AUTS2: variants seen among roughly 807,000 people sequenced by gnomAD.
AUTS2 encodes activator of transcription and developmental regulator AUTS2, also known as autism susceptibility gene 2 protein.
In AUTS2, 17 loss-of-function variants were observed where a neutral mutation model predicts 112.4. That is an observed-to-expected ratio of 0.15 (90% CI 0.10 to 0.23). The LOEUF is 0.23. Ranked by LOEUF, AUTS2 falls within the 10% of genes least tolerant of loss-of-function variation. AUTS2 has a pLI of 1.00. For synonymous variants in AUTS2, 751 were observed against 702.7 expected, an observed-to-expected ratio of 1.07 and a Z score of -1.09; for missense variants, 1,510 against 1,701.6, an observed-to-expected ratio of 0.89 and a Z score of 1.98.
At chr7:69,714,152 C>G (rs1430281547) in intron 1 of AUTS2, among the ~76,000 whole-genome samples, 1 of 151,756 alleles carries the variant, frequency 6.6e-6, no homozygotes, top group Non-Finnish European at 1.5e-5. Context: ...CCTTGACCTC[C>G]TGGGTTCAAG....
chr7:70,681,117 T>C (rs1484762513), intron 5 of AUTS2, among the ~76,000 whole-genome samples: 1 of 152,064 alleles, frequency 6.6e-6, no homozygotes, highest in Non-Finnish European at 1.5e-5. Flanking sequence ...TTTCTTAGAG[T>C]GTTCCAGGGA....
intron 5 of AUTS2, among the ~76,000 whole-genome samples, chr7:70,572,508 C>T (rs1382949545): frequency 6.6e-6 from 1 of 151,938 alleles, no homozygotes; most frequent in East Asian, 1.9e-4. Flanking sequence ...TGAAATATTA[C>T]TACTTAAAAC....
intron 1 of AUTS2, among the ~76,000 whole-genome samples, chr7:69,783,687 A>G (rs1314371389): frequency 6.6e-6 from 1 of 152,210 alleles, no homozygotes; most frequent in African/African-American, 2.4e-5. Context: ...AGCTTGAGGC[A>G]TATCAGAGAG....
At chr7:70,147,351 A>G (rs1200696760) in intron 4 of AUTS2, among the ~76,000 whole-genome samples, 2 of 152,190 alleles carry the variant, frequency 1.3e-5, no homozygotes, top group South Asian at 2.1e-4. Flanking sequence ...GAAAATCCAC[A>G]GTTATAGATG....
intron 4 of AUTS2, among the ~76,000 whole-genome samples, chr7:70,340,292 A>G (rs961415578): frequency 3.3e-5 from 5 of 152,124 alleles, no homozygotes; most frequent in African/African-American, 1.2e-4. Context: ...GTCAAGATAT[A>G]TATGCATAAG....
intron 2 of AUTS2, among the ~76,000 whole-genome samples, chr7:69,934,445 G>A (rs1165334771): frequency 6.6e-6 from 1 of 152,114 alleles, no homozygotes; most frequent in Non-Finnish European, 1.5e-5. Flanking sequence ...TTGGTAGCTT[G>A]GGTTATAAGA....
chr7:70,733,962 T>C (rs772903053), intron 6 of AUTS2, among the ~76,000 whole-genome samples: 1 of 152,132 alleles, frequency 6.6e-6, no homozygotes, highest in Non-Finnish European at 1.5e-5. Flanking sequence ...GCATCTTTGA[T>C]GTTTTGGATG....
At chr7:70,779,230 G>T (rs1007312652) in intron 14 of AUTS2, among the ~76,000 whole-genome samples, 3 of 152,210 alleles carry the variant, frequency 2.0e-5, no homozygotes, top group Admixed American at 2.0e-4. Context: ...CTCGATACTG[G>T]GACTTTCATT....
chr7:70,214,344 G>C (rs1811066546), intron 4 of AUTS2, among the ~76,000 whole-genome samples: 1 of 152,002 alleles, frequency 6.6e-6, no homozygotes, highest in Non-Finnish European at 1.5e-5. Flanking sequence ...GCTCATTCTT[G>C]CACTGCAACA....
At chr7:70,434,040 G>A (rs951008906) in intron 4 of AUTS2, among the ~76,000 whole-genome samples, 2 of 152,168 alleles carry the variant, frequency 1.3e-5, no homozygotes, top group Non-Finnish European at 2.9e-5. Context: ...TTTGTACTGA[G>A]TCTTTTTGCC....
chr7:70,373,510 G>T (rs1461865873), intron 4 of AUTS2, among the ~76,000 whole-genome samples: 1 of 151,944 alleles, frequency 6.6e-6, no homozygotes, highest in African/African-American at 2.4e-5. Context: ...TAAATGCAGG[G>T]GTAGGCATTT....
At chr7:70,042,266 A>G (rs552278857) in intron 2 of AUTS2, among the ~76,000 whole-genome samples, 1 of 151,918 alleles carries the variant, frequency 6.6e-6, no homozygotes, top group Admixed American at 6.6e-5. Flanking sequence ...AAAGAGGAAT[A>G]GAGGAGATAC....
At chr7:70,688,538 C>A (rs535222010) in intron 5 of AUTS2, among the ~76,000 whole-genome samples, 1 of 152,052 alleles carries the variant, frequency 6.6e-6, no homozygotes, top group African/African-American at 2.4e-5. Context: ...ACAAAAAAAA[C>A]AAATCATGGC....
At chr7:70,548,173 G>A (rs1262311732) in intron 5 of AUTS2, among the ~76,000 whole-genome samples, 1 of 152,152 alleles carries the variant, frequency 6.6e-6, no homozygotes, top group Non-Finnish European at 1.5e-5. Flanking sequence ...AAAGTCTGCT[G>A]AATAAGGGTG....
intron 2 of AUTS2, among the ~76,000 whole-genome samples, chr7:69,919,567 T>C (rs921204731): frequency 1.3e-5 from 2 of 152,200 alleles, no homozygotes; most frequent in South Asian, 2.1e-4. Flanking sequence ...GTGTATTTTG[T>C]TGGGGAGAGA....
intron 2 of AUTS2, among the ~76,000 whole-genome samples, chr7:69,985,323 G>A (rs537717654): frequency 6.6e-6 from 1 of 152,046 alleles, no homozygotes; most frequent in East Asian, 1.9e-4. Flanking sequence ...CAGCTCTGTG[G>A]TTCCATCACT....
chr7:70,209,884 T>G (rs1193537450), intron 4 of AUTS2, among the ~76,000 whole-genome samples: 1 of 152,182 alleles, frequency 6.6e-6, no homozygotes, highest in South Asian at 2.1e-4. Flanking sequence ...ATGTTTAGCT[T>G]CTTTCTCCAA....
intron 1 of AUTS2, among the ~76,000 whole-genome samples, chr7:69,809,160 C>T (rs1212799319): frequency 6.6e-6 from 1 of 152,048 alleles, no homozygotes; most frequent in Non-Finnish European, 1.5e-5. Context: ...CTGCAAGTTC[C>T]GCCTCCCAGG....
chr7:70,790,928 ACTC>A lies in AUTS2; in HGVS notation c.3716_3718del (p.Pro1239del). ...CCGCCCGGTCTCTCCCAGAAGGACGACTCCTCTGTCCGCAGAGATAAGGGAGAG... is the reference window on the plus strand; with the variant it reads ...CCGCCCGGTCTCTCCCAGAAGGACGACTCTGTCCGCAGAGATAAGGGAGAG... On this transcript the variant is annotated inframe_deletion, in exon 19 of 19. Transcript: ENST00000342771. The surrounding 1 kb of genome is among the most constrained non-coding windows in gnomAD (Gnocchi z 7.6). 2.6e-6 allele frequency: 4 copies of A among 1,557,586 alleles called. No individual in the cohort carries two copies. The highest frequency in any genetic ancestry group is 3.5e-6 in the Non-Finnish European group (4 of 1,153,284).
Sources: allele counts gnomAD v4.1 joint callset (sites outside exome capture counted in the v4.1 genomes callset), GRCh38; gene constraint gnomAD v4.1.1; non-coding constraint Gnocchi (gnomAD v3.1); transcripts MANE v1.5; gene names NCBI Gene and HGNC (gene_info 2026-07-23, HGNC 2026-07-21).